The following TTK variants were observed in gnomAD, a reference collection of about 807,000 sequenced individuals.
TTK encodes the protein dual specificity protein kinase TTK.
In TTK, 59 loss-of-function variants were observed where a neutral mutation model predicts 117.3. The ratio of observed to expected loss-of-function variants is 0.50; its 90% CI spans 0.41 to 0.62. The LOEUF (loss-of-function observed/expected upper bound fraction) is 0.62. Ranked by LOEUF, TTK falls within the 20% of genes least tolerant of loss-of-function variation. The pLI is 0.00. For synonymous variants in TTK, 302 were observed against 325.0 expected (o/e 0.93, Z 0.76); for missense variants, 921 against 989.4 (o/e 0.93, Z 0.93).
intron 14 of TTK, among the ~76,000 whole-genome samples, chr6:80,031,977 CAG>C (rs1228034565): frequency 5.9e-5 from 9 of 152,260 alleles, no homozygotes; most frequent in East Asian, 1.9e-4. Flanking sequence ...ATTTCAGAAA[CAG>C]AATTCAGTAA....
intron 11 of TTK, among the ~76,000 whole-genome samples, chr6:80,023,389 C>T (rs531460842): frequency 1.4e-4 from 21 of 152,240 alleles, no homozygotes; most frequent in South Asian, 6.2e-4. Context: ...GTCAGGAGAT[C>T]GAGACCATCT....
At chr6:80,026,298 A>C in intron 11 of TTK, 80 bp from the exon 12 acceptor site, 1 of 1,414,534 alleles carries the variant, frequency 7.1e-7, no homozygotes, top group East Asian at 2.4e-5. Flanking sequence ...TTTTATTTTA[A>C]AAGTTATAAT....
chr6:80,039,705 A>G lies in TTK; in HGVS notation c.2140A>G (p.Lys714Glu). 6.6e-7 allele frequency: 1 copy of G among 1,524,174 alleles called. No individual in the cohort carries two copies. The highest frequency in any genetic ancestry group is 8.8e-7 in the Non-Finnish European group (1 of 1,141,294). 94.4% of individuals were successfully genotyped at this position (1,524,174 alleles called of 1,614,324 possible). A position where few individuals can be genotyped will look rare whatever the true frequency, so the allele number is the denominator to read the frequency against. Reference protein sequence around the residue: ...NGKSKSKISPKSDVWSLGCIL... With the variant: ...NGKSKSKISPESDVWSLGCIL... The stretch of plus-strand genomic sequence containing the variant: ...TTTGTTTTTTTCTTAGATAAGCCCC[A>G]AAAGTGATGTTTGGTCCTTAGGATG... Residue 714 changes from lysine to glutamate, a missense_variant, in exon 19 of 22, where the codon AAA becomes GAA. By Grantham distance (56) the Lys-to-Glu change is moderately conservative. Transcript: ENST00000369798.
intron 14 of TTK, among the ~76,000 whole-genome samples, chr6:80,034,406 A>G (rs1216536039): frequency 6.6e-6 from 1 of 152,208 alleles, no homozygotes; most frequent in Admixed American, 6.6e-5. Flanking sequence ...AAACTCATTC[A>G]TGCAAAAATT....
At chr6:80,005,622 G>GA (rs887965245) in intron 1 of TTK, among the ~76,000 whole-genome samples, 1 of 152,136 alleles carries the variant, frequency 6.6e-6, no homozygotes, top group Non-Finnish European at 1.5e-5. Context: ...TATATTGGGG[G>GA]AAAAAGTATA....
chr6:80,007,110 G>A (rs1767012896), intron 2 of TTK, among the ~76,000 whole-genome samples: 1 of 152,094 alleles, frequency 6.6e-6, no homozygotes, highest in African/African-American at 2.4e-5. Context: ...TGCTGTTTCT[G>A]TTGGTTGGGG....
chr6:80,035,245 C>A, intron 15 of TTK, 21 bp from the exon 16 acceptor site: 1 of 1,566,270 alleles, frequency 6.4e-7, no homozygotes, highest in Non-Finnish European at 8.6e-7. Flanking sequence ...TGTTTTGTTG[C>A]TTTTATTTGT....
chr6:80,026,495 T>G lies in TTK; in HGVS notation c.1375T>G (p.Leu459Val). The G allele has an allele frequency of 6.2e-7, 1 of 1,613,748 alleles. No homozygotes were observed. The highest frequency in any genetic ancestry group is 8.5e-7 in the Non-Finnish European group (1 of 1,179,830). Residue 459 changes from leucine (L) to valine (V), a missense_variant, in exon 12 of 22, where the codon TTG becomes GTG. Physicochemically the swap from Leu to Val is conservative, Grantham distance 32. Transcript: ENST00000369798. ...SICKTPSSNT[L>V]DDYMSCFRTP... ...TTGTAAGACACCAAGCAGCAATACCTTGGATGATTACATGAGCTGGTAATT... is the reference window on the plus strand; with the variant it reads ...TTGTAAGACACCAAGCAGCAATACCGTGGATGATTACATGAGCTGGTAATT...
At chr6:80,005,784 A>AT (rs1207775872) in intron 1 of TTK, 58 bp from the exon 2 acceptor site, 3 of 1,577,122 alleles carry the variant, frequency 1.9e-6, no homozygotes, top group East Asian at 2.2e-5. Flanking sequence ...AAGCTAGTGC[A>AT]TTTTTTTCTT....
At chr6:80,006,668 A>G (rs1366224511) in intron 2 of TTK, among the ~76,000 whole-genome samples, 1 of 152,156 alleles carries the variant, frequency 6.6e-6, no homozygotes, top group African/African-American at 2.4e-5. Flanking sequence ...CAAATGTTTT[A>G]TTTGTTGATT....
intron 10 of TTK, among the ~76,000 whole-genome samples, chr6:80,021,886 G>C (rs1249199479): frequency 1.3e-5 from 2 of 152,086 alleles, no homozygotes; most frequent in African/African-American, 4.8e-5. Context: ...TGGTGGGAAA[G>C]GGAGAAACTA....
chr6:80,035,506 G>T, intron 16 of TTK, 89 bp downstream of exon 16: 1 of 1,269,024 alleles, frequency 7.9e-7, no homozygotes, highest in Non-Finnish European at 1.1e-6. Context: ...TTAGGGCATT[G>T]GTTATTGGTG....
chr6:80,028,041 T>C (rs757820613), intron 13 of TTK, 30 bp downstream of exon 13: 3 of 1,566,638 alleles, frequency 1.9e-6, no homozygotes, highest in South Asian at 1.2e-5. Context: ...TGATGGTATA[T>C]GTTAAGATAC....
In TTK at chr6:80,007,862, T is replaced by C. The variant is rs1767035939; in HGVS notation, c.193T>C (p.Trp65Arg). 1 of 1,613,434 alleles carries C rather than the reference T, an allele frequency of 6.2e-7. No homozygotes were observed. Among genetic ancestry groups the C allele is most frequent in the Non-Finnish European group, 8.5e-7 (1 of 1,179,582 alleles). ...GATGATGGCAAACAACCCAGAGGAC[T>C]GGTTGAGTTTGTTGCTCAAACTAGA... is the stretch of plus-strand genomic sequence containing the variant. ...IMMMANNPED[W>R]LSLLLKLEKN... The change falls in exon 3 of 22, where the codon TGG (tryptophan) becomes CGG (arginine). Residue 65 changes from tryptophan to arginine, a missense_variant. Coordinates refer to ENST00000369798, the MANE Select transcript of TTK (RefSeq NM_003318.5).
At chr6:80,007,222 T>A (rs1254128408) in intron 2 of TTK, among the ~76,000 whole-genome samples, 1 of 152,122 alleles carries the variant, frequency 6.6e-6, no homozygotes, top group Non-Finnish European at 1.5e-5. Context: ...TATCAGGGCC[T>A]CTAGCAGAAA....
chr6:80,021,342 G>A (rs1383781209), intron 10 of TTK, among the ~76,000 whole-genome samples: 1 of 152,194 alleles, frequency 6.6e-6, no homozygotes, highest in Non-Finnish European at 1.5e-5. Context: ...GAGTGGGTGA[G>A]CCTTGGCCTG....
At position 80,017,555 on chromosome 6, in the gene TTK, A is replaced by G. The variant is rs138079242; in HGVS notation, c.1108+2969A>G. On this transcript the variant is annotated intron_variant, in intron 10 of 21. Transcript: ENST00000369798. ...CAGCTTCCCAAAGTGCTGGGATTACAAGTGTGAGCTATCACACCAGGCCTA... is the reference window on the plus strand; with the variant it reads ...CAGCTTCCCAAAGTGCTGGGATTACGAGTGTGAGCTATCACACCAGGCCTA... 7.2e-3 allele frequency among the ~76,000 whole-genome samples: 1,095 copies of G among 152,276 alleles called. 14 individuals carry two copies. The highest frequency in any genetic ancestry group is 0.025 in the African/African-American group (1,053 of 41,556).
At chr6:80,015,962 A>C (rs1767296101) in intron 10 of TTK, among the ~76,000 whole-genome samples, 1 of 152,164 alleles carries the variant, frequency 6.6e-6, no homozygotes, top group Non-Finnish European at 1.5e-5. Context: ...AGATGTAATC[A>C]TTATTCTGAT....
intron 8 of TTK, among the ~76,000 whole-genome samples, chr6:80,012,987 A>G (rs993658471): frequency 6.6e-6 from 1 of 152,138 alleles, no homozygotes; most frequent in African/African-American, 2.4e-5. Context: ...ATGTAGTTTC[A>G]TCTGTATACT....
Sources: gnomAD v4.1 joint callset for allele counts (sites outside exome capture counted in the v4.1 genomes callset) on GRCh38, gnomAD v4.1.1 for gene constraint, MANE v1.5 for transcripts, NCBI Gene and HGNC (gene_info 2026-07-23, HGNC 2026-07-21) for gene names.